CDK19: variants seen among roughly 807,000 people sequenced by gnomAD.
CDK19 encodes cyclin dependent kinase 19.
CDK19 carries 20 observed loss-of-function variants against 68.3 expected under a neutral mutation model. That is an observed-to-expected ratio of 0.29 (90% CI 0.21 to 0.43). The LOEUF (loss-of-function observed/expected upper bound fraction) is 0.43. Among genes scored for constraint, CDK19 ranks in the 20% least tolerant of loss-of-function variants. The probability of loss-of-function intolerance (pLI) is 1.00; values close to 1 mark genes in which losing one functional copy is unlikely to be tolerated. For synonymous variants in CDK19, 221 were observed against 222.8 expected, an observed-to-expected ratio of 0.99 and a Z score of 0.07; for missense variants, 339 against 623.5, an observed-to-expected ratio of 0.54 and a Z score of 4.86.
At chr6:110,616,126 C>T (rs1481526796) in intron 12 of CDK19, among the ~76,000 whole-genome samples, 1 of 152,170 alleles carries the variant, frequency 6.6e-6, no homozygotes, top group Non-Finnish European at 1.5e-5. Flanking sequence ...TTAGCTGGCC[C>T]TATGTGTATT....
intron 2 of CDK19, among the ~76,000 whole-genome samples, chr6:110,697,466 T>C (rs1344195028): frequency 6.6e-6 from 1 of 151,728 alleles, no homozygotes; most frequent in African/African-American, 2.4e-5. Context: ...AGGTGAAAGC[T>C]CTCCACAAGG....
At position 110,611,568 on chromosome 6, in the gene CDK19, C is replaced by T. The variant is rs1176215778; in HGVS notation, c.*2967G>A. On this transcript the variant is annotated 3_prime_UTR_variant, in exon 13 of 13. Transcript: ENST00000368911. ...CGGGAGGCCGAGACAGGCGGATGACCTGAGGTGAGGAATTCAAGACCAGCC... is the reference window on the plus strand; with the variant it reads ...CGGGAGGCCGAGACAGGCGGATGACTTGAGGTGAGGAATTCAAGACCAGCC... The T allele has an allele frequency of 1.3e-5, 2 of 152,274 alleles. No homozygotes were observed. The highest frequency in any genetic ancestry group is 2.1e-4 in the South Asian group (1 of 4,828). The allele number at this position is 152,274 out of a possible 1,614,324, so 9.4% of individuals were successfully genotyped here.
At chr6:110,672,192 C>A (rs1392903936) in intron 2 of CDK19, among the ~76,000 whole-genome samples, 3 of 152,156 alleles carry the variant, frequency 2.0e-5, no homozygotes, top group African/African-American at 7.2e-5. Context: ...TTCTTTCTGA[C>A]TCCTTGATAT....
chr6:110,628,639 G>C (rs1779245774), intron 6 of CDK19, among the ~76,000 whole-genome samples: 1 of 148,676 alleles, frequency 6.7e-6, no homozygotes, highest in Admixed American at 6.6e-5. Flanking sequence ...GGCATCCCCT[G>C]GGGGGGTCTT....
intron 1 of CDK19, among the ~76,000 whole-genome samples, chr6:110,807,249 G>A (rs1243266190): frequency 6.6e-6 from 1 of 151,986 alleles, no homozygotes; most frequent in Non-Finnish European, 1.5e-5. Context: ...ACTTGCTTGA[G>A]CCCAGGCAGC....
intron 4 of CDK19, among the ~76,000 whole-genome samples, chr6:110,640,058 A>G (rs933381672): frequency 1.3e-5 from 2 of 151,990 alleles, no homozygotes; most frequent in Non-Finnish European, 2.9e-5. Flanking sequence ...TGTTTCTACA[A>G]ATAATTTTTT....
At chr6:110,797,274 A>C (rs1232000276) in intron 1 of CDK19, among the ~76,000 whole-genome samples, 3 of 152,116 alleles carry the variant, frequency 2.0e-5, no homozygotes, top group Non-Finnish European at 2.9e-5. Context: ...TGGGAGGCAA[A>C]GGTTGCAGTG....
intron 2 of CDK19, among the ~76,000 whole-genome samples, chr6:110,725,834 T>C (rs779930665): frequency 1.3e-5 from 2 of 152,226 alleles, no homozygotes; most frequent in Non-Finnish European, 2.9e-5. Context: ...AACTTTTACA[T>C]AAGCAAGATA....
At chr6:110,646,710 C>G (rs1780611913) in intron 4 of CDK19, among the ~76,000 whole-genome samples, 1 of 152,128 alleles carries the variant, frequency 6.6e-6, no homozygotes. Flanking sequence ...TTCATCATCC[C>G]TATCGATGCA....
At chr6:110,690,248 A>AT (rs1772865221) in intron 2 of CDK19, among the ~76,000 whole-genome samples, 1 of 152,052 alleles carries the variant, frequency 6.6e-6, no homozygotes, top group South Asian at 2.1e-4. Context: ...TCAGGCTTGC[A>AT]TAAGAGGTAG....
At position 110,809,738 on chromosome 6, in the gene CDK19, C is replaced by T. The variant is rs538357424; in HGVS notation, c.128+5271G>A. On this transcript the variant is annotated intron_variant, in intron 1 of 12. Transcript: ENST00000368911. ...TCTGCTTTTAAAATCAGTGGAGCAT[C>T]TTTACCAATTAAAGGCATTTTTAAT... Among the ~76,000 whole-genome samples the T allele has an allele frequency of 2.6e-5, 4 of 152,290 alleles. No homozygotes were observed. In the South Asian group the frequency reaches 8.3e-4, roughly 32 times the overall value.
At chr6:110,807,010 A>AAAAATG (rs1201610139) in intron 1 of CDK19, among the ~76,000 whole-genome samples, 2 of 151,320 alleles carry the variant, frequency 1.3e-5, no homozygotes, top group African/African-American at 4.9e-5. Flanking sequence ...AAATAAAAAT[A>AAAAATG]AAAATAGGGC....
intron 1 of CDK19, among the ~76,000 whole-genome samples, chr6:110,748,224 T>C (rs1014969853): frequency 6.6e-5 from 10 of 152,190 alleles, no homozygotes; most frequent in Non-Finnish European, 1.0e-4. Flanking sequence ...ATAGTTGCTA[T>C]GGAAACTATA....
At chr6:110,710,213 A>C (rs1453068305) in intron 2 of CDK19, among the ~76,000 whole-genome samples, 3 of 152,222 alleles carry the variant, frequency 2.0e-5, no homozygotes, top group African/African-American at 7.2e-5. Context: ...AACCAAACAC[A>C]GTTTTGTTAT....
chr6:110,735,295 G>C (rs1777162437), intron 2 of CDK19, among the ~76,000 whole-genome samples: 1 of 151,466 alleles, frequency 6.6e-6, no homozygotes, highest in Admixed American at 6.6e-5. Flanking sequence ...TGAACACAAA[G>C]TTTAAAATCT....
intron 1 of CDK19, among the ~76,000 whole-genome samples, chr6:110,769,396 C>T (rs1271588568): frequency 1.3e-5 from 2 of 151,384 alleles, no homozygotes; most frequent in Non-Finnish European, 2.9e-5. Context: ...GAAACCCTGT[C>T]TCTACTAAAA....
intron 12 of CDK19, among the ~76,000 whole-genome samples, chr6:110,616,613 A>G (rs1778326873): frequency 6.6e-6 from 1 of 151,560 alleles, no homozygotes; most frequent in Non-Finnish European, 1.5e-5. Flanking sequence ...AGTTGTAGTG[A>G]GTCAAGATTG....
intron 4 of CDK19, among the ~76,000 whole-genome samples, chr6:110,665,381 G>T (rs1346138618): frequency 1.3e-5 from 2 of 152,134 alleles, no homozygotes; most frequent in Admixed American, 6.6e-5. Context: ...AAATTTCTAG[G>T]CTAGGAAGAG....
chr6:110,714,010 G>A (rs930612427), intron 2 of CDK19, among the ~76,000 whole-genome samples: 1 of 152,148 alleles, frequency 6.6e-6, no homozygotes, highest in African/African-American at 2.4e-5. Flanking sequence ...CCAACGTTGT[G>A]TAAGAATCAC....
Sources: gnomAD v4.1 joint callset for allele counts (sites outside exome capture counted in the v4.1 genomes callset) on GRCh38, gnomAD v4.1.1 for gene constraint, MANE v1.5 for transcripts, NCBI Gene and HGNC (gene_info 2026-07-23, HGNC 2026-07-21) for gene names.